NLRP8: variants seen among roughly 807,000 people sequenced by gnomAD.
NLRP8 encodes the protein NACHT, LRR and PYD domains-containing protein 8.
A neutral mutation model predicts 88.7 loss-of-function variants in NLRP8; 86 were observed. The ratio of observed to expected loss-of-function variants is 0.97; its 90% confidence interval spans 0.81 to 1.16. The LOEUF is 1.16. NLRP8 is among the 50% of genes most tolerant of loss of function. The pLI is 0.00. For missense variants in NLRP8, 1,342 were observed against 1,286.5 expected (o/e 1.04, Z -0.66); for synonymous variants, 504 against 494.6 (o/e 1.02, Z -0.25).
At chr19:55,966,162 C>A in intron 4 of NLRP8, 51 bp from the exon 5 acceptor site, 3 of 1,569,830 alleles carry the variant, frequency 1.9e-6, no homozygotes, top group Non-Finnish European at 2.6e-6. Context: ...CCACAGAATT[C>A]TACGACTGTG....
chr19:55,983,740 G>A (rs1383079074), intron 9 of NLRP8, among the ~76,000 whole-genome samples: 1 of 147,210 alleles, frequency 6.8e-6, no homozygotes, highest in Non-Finnish European at 1.5e-5. Flanking sequence ...ACACAGCAGG[G>A]CCTCAGTGAC....
At chr19:55,970,490 C>A in intron 5 of NLRP8, 54 bp from the exon 6 acceptor site, 2 of 1,594,646 alleles carry the variant, frequency 1.3e-6, no homozygotes, top group Non-Finnish European at 1.7e-6. Flanking sequence ...GGAGGTCCTA[C>A]AGGTACCATT....
At chr19:55,958,020 A>G (rs530978908) in intron 3 of NLRP8, among the ~76,000 whole-genome samples, 66 of 152,258 alleles carry the variant, frequency 4.3e-4, no homozygotes, top group African/African-American at 1.5e-3. Flanking sequence ...TTCTCCCTTC[A>G]ACTCCATGTT....
chr19:55,970,759 A>G (rs1325495679), intron 6 of NLRP8, 63 bp downstream of exon 6: 2 of 1,597,790 alleles, frequency 1.3e-6, no homozygotes, highest in African/African-American at 1.3e-5. Context: ...TGGTAGATTT[A>G]GTGCTTCTGT....
In NLRP8 at chr19:55,955,710, A is replaced by C. The variant is rs151156945; in HGVS notation, c.1652A>C (p.Tyr551Ser). 1.0e-4 allele frequency: 163 copies of C among 1,613,660 alleles called. No individual in the cohort carries two copies. The African/African-American group carries it at 1.2e-3, about 12-fold the overall frequency. ...GCGAGTCCCAGAGGAAGCAAAAGCTATCTCTCTCACATGGGACTTTTCTTA... is the reference window on the plus strand; with the variant it reads ...GCGAGTCCCAGAGGAAGCAAAAGCTCTCTCTCTCACATGGGACTTTTCTTA... Residue 551 changes from tyrosine (Y) to serine (S), a missense_variant, in exon 3 of 10, where the codon TAT (tyrosine) becomes TCT (serine). By Grantham distance (144) the Tyr-to-Ser change is moderately radical. Coordinates refer to ENST00000291971, the MANE Select transcript of NLRP8 (RefSeq NM_176811.2).
chr19:55,966,334 C>T lies in NLRP8; in HGVS notation c.2335C>T (p.Leu779=). Residue 779 remains leucine, a synonymous_variant, in exon 5 of 10, where the codon CTA becomes TTA. Transcript: ENST00000291971. ...AGTGGAGTCCAAAGCTGTGAAGCTT[C>T]TATGCAGGGTGCTGAGATCCCCCCG... The T allele has an allele frequency of 6.2e-7, 1 of 1,614,110 alleles. No individual in the cohort carries two copies. The highest frequency in any genetic ancestry group is 8.5e-7 in the Non-Finnish European group (1 of 1,179,988).
chr19:55,949,757 C>T (rs922539890), intron 1 of NLRP8, among the ~76,000 whole-genome samples: 8 of 152,242 alleles, frequency 5.3e-5, no homozygotes, highest in Non-Finnish European at 1.0e-4. Context: ...ATGGAGAAAA[C>T]GTCAGCTCCA....
intron 9 of NLRP8, among the ~76,000 whole-genome samples, chr19:55,985,034 TG>T (rs755880001): frequency 6.6e-6 from 1 of 152,194 alleles, no homozygotes; most frequent in Non-Finnish European, 1.5e-5. Flanking sequence ...CCAAGCGCGG[TG>T]GCTCACGCCT....
At chr19:55,952,668 G>A in intron 2 of NLRP8, 56 bp downstream of exon 2, 1 of 1,412,402 alleles carries the variant, frequency 7.1e-7, no homozygotes, top group Non-Finnish European at 1.0e-6. Context: ...GGACTGGGAT[G>A]AGCTGCTCAG....
chr19:55,981,682 TACTGGA>T (rs1223146244), intron 9 of NLRP8, among the ~76,000 whole-genome samples: 1 of 152,150 alleles, frequency 6.6e-6, no homozygotes, highest in Non-Finnish European at 1.5e-5. Flanking sequence ...ATGTAGCAAG[TACTGGA>T]AAAAGGAAAT....
At chr19:55,976,353 G>A (rs1980323904) in intron 8 of NLRP8, 50 bp downstream of exon 8, 3 of 1,456,644 alleles carry the variant, frequency 2.1e-6, no homozygotes, top group East Asian at 2.4e-5. Context: ...TTGTATATAA[G>A]CGTCTCTCAG....
chr19:55,980,481 A>G (rs1418491074), intron 9 of NLRP8, among the ~76,000 whole-genome samples: 3 of 152,160 alleles, frequency 2.0e-5, no homozygotes, highest in Non-Finnish European at 4.4e-5. Context: ...TGTAACTGGG[A>G]GGTTCTAGCT....
intron 1 of NLRP8, among the ~76,000 whole-genome samples, chr19:55,951,495 T>A (rs900064483): frequency 6.6e-6 from 1 of 152,210 alleles, no homozygotes; most frequent in African/African-American, 2.4e-5. Flanking sequence ...TGTAGAGATA[T>A]ACACGTGTAT....
intron 8 of NLRP8, among the ~76,000 whole-genome samples, chr19:55,978,613 C>T (rs776982117): frequency 1.2e-4 from 18 of 152,078 alleles, no homozygotes; most frequent in Admixed American, 3.9e-4. Context: ...TCTAATAATC[C>T]ATGAATTTTA....
intron 5 of NLRP8, among the ~76,000 whole-genome samples, chr19:55,970,332 A>C (rs770287866): frequency 6.6e-6 from 1 of 152,160 alleles, no homozygotes; most frequent in Non-Finnish European, 1.5e-5. Context: ...ATTGTATTCC[A>C]GTTGATGACA....
At chr19:55,975,295 C>G (rs1405414939) in intron 7 of NLRP8, among the ~76,000 whole-genome samples, 3 of 152,176 alleles carry the variant, frequency 2.0e-5, no homozygotes, top group African/African-American at 7.2e-5. Flanking sequence ...CAAAATACCC[C>G]CTGAAACACT....
At position 55,973,654 on chromosome 19, in the gene NLRP8, T is replaced by C. The variant is rs561906609; in HGVS notation, c.2537T>C (p.Ile846Thr). Residue 846 changes from isoleucine to threonine, a missense_variant and splice_region_variant, in exon 7 of 10, where the codon ATA (isoleucine) becomes ACA (threonine). By Grantham distance (89) the Ile-to-Thr change is moderately conservative. Coordinates refer to ENST00000291971, the MANE Select transcript of NLRP8 (RefSeq NM_176811.2). Reference sequence around the variant, plus strand: ...ATCTGTGTGCTTCTCTCCCATAGGATAGAGAACTGCAACCTTACACAGCTT... The same window carrying C: ...ATCTGTGTGCTTCTCTCCCATAGGACAGAGAACTGCAACCTTACACAGCTT... 7 of 1,607,042 alleles carry C rather than the reference T, an allele frequency of 4.4e-6. No individual in the cohort carries two copies. The East Asian group carries it at 1.1e-4, about 26-fold the overall frequency.
At chr19:55,979,744 C>T (rs10401469) in intron 9 of NLRP8, among the ~76,000 whole-genome samples, 180 bp downstream of exon 9, 64,901 of 151,946 alleles carry the variant, frequency 0.43, 14,887 homozygotes, top group East Asian at 0.7. Flanking sequence ...TTGCAAAACC[C>T]TGTCTTCTAC....
intron 9 of NLRP8, among the ~76,000 whole-genome samples, chr19:55,985,597 G>A (rs1032161274): frequency 6.6e-6 from 1 of 152,104 alleles, no homozygotes; most frequent in Non-Finnish European, 1.5e-5. Flanking sequence ...TCCAAGTATA[G>A]TATAAATCTA....
Sources: allele counts gnomAD v4.1 joint callset (sites outside exome capture counted in the v4.1 genomes callset), GRCh38; gene constraint gnomAD v4.1.1; transcripts MANE v1.5; gene names NCBI Gene and HGNC (gene_info 2026-07-23, HGNC 2026-07-21).